PPID: variants seen among roughly 807,000 people sequenced by gnomAD.
PPID encodes the protein peptidyl-prolyl cis-trans isomerase D.
Under a neutral mutation model 48.1 loss-of-function variants are expected in PPID, and 47 were observed. That is an observed-to-expected ratio of 0.98 (90% CI 0.77 to 1.25). The LOEUF is 1.25. Among genes scored for constraint, PPID ranks in the 50% most tolerant of loss-of-function variants. The pLI is 0.00. For synonymous variants in PPID, 163 were observed against 148.8 expected, an observed-to-expected ratio of 1.10 and a Z score of -0.69; for missense variants, 429 against 443.5, an observed-to-expected ratio of 0.97 and a Z score of 0.29.
At chr4:158,718,270 A>C (rs1198670869) in intron 3 of PPID, among the ~76,000 whole-genome samples, 1 of 152,156 alleles carries the variant, frequency 6.6e-6, no homozygotes, top group African/African-American at 2.4e-5. Flanking sequence ...TGCCTAACCA[A>C]ATCTCAGACA....
At chr4:158,716,703 T>C (rs1774877711) in intron 4 of PPID, among the ~76,000 whole-genome samples, 1 of 152,190 alleles carries the variant, frequency 6.6e-6, no homozygotes, top group African/African-American at 2.4e-5. Context: ...CTCATGCCTG[T>C]AATCCCAGCA....
At chr4:158,716,929 C>G in intron 4 of PPID, 83 bp downstream of exon 4, 1 of 1,429,344 alleles carries the variant, frequency 7.0e-7, no homozygotes, top group South Asian at 1.2e-5. Context: ...CCACTGCACT[C>G]CAGCCTGGAA....
intron 7 of PPID, 61 bp from the exon 8 acceptor site, chr4:158,710,909 A>G: frequency 7.0e-7 from 1 of 1,419,338 alleles, no homozygotes; most frequent in Non-Finnish European, 9.9e-7. Flanking sequence ...GCCAGATTTC[A>G]ATTCATTGCC....
chr4:158,715,445 TG>T, intron 5 of PPID, 42 bp from the exon 6 acceptor site: 1 of 1,496,186 alleles, frequency 6.7e-7, no homozygotes, highest in Non-Finnish European at 9.0e-7. Flanking sequence ...TAGTAAGTAA[TG>T]TGGTTTAATG....
chr4:158,712,742 G>A (rs1376105140), intron 7 of PPID, among the ~76,000 whole-genome samples: 1 of 151,854 alleles, frequency 6.6e-6, no homozygotes, highest in Admixed American at 6.6e-5. Flanking sequence ...GGGCAACAGA[G>A]TAAGACTCCG....
rs1241709269 is a variant in PPID, at chr4:158,709,235, A to G, written c.*501T>C. 1 of 153,034 alleles carries G rather than the reference A, an allele frequency of 6.5e-6. No homozygotes were observed. The highest frequency in any genetic ancestry group is 1.5e-5 in the Non-Finnish European group (1 of 68,696). 9.5% of individuals were successfully genotyped at this position (153,034 alleles called of 1,614,324 possible). On this transcript the variant is annotated 3_prime_UTR_variant, in exon 10 of 10. Transcript: ENST00000307720. ...ATAATGCACATAACCATTTTAAAAA[A>G]CATTTTACTTGGCCGGGCACGGTGG...
chr4:158,711,612 TTTTG>T (rs1774792481), intron 7 of PPID, among the ~76,000 whole-genome samples: 1 of 152,158 alleles, frequency 6.6e-6, no homozygotes, highest in African/African-American at 2.4e-5. Flanking sequence ...TAAAATTATC[TTTTG>T]TTTATGTAAC....
chr4:158,710,100 G>C (rs1038594154), intron 9 of PPID: 8 of 432,832 alleles, frequency 1.8e-5, no homozygotes, highest in African/African-American at 1.2e-4. Context: ...AGTAATAAGA[G>C]ACCAAAGACA....
intron 7 of PPID, among the ~76,000 whole-genome samples, chr4:158,712,430 G>C (rs182754198): frequency 6.6e-6 from 1 of 152,146 alleles, no homozygotes; most frequent in East Asian, 1.9e-4. Context: ...AAATGTGCCA[G>C]GCACTACACT....
intron 7 of PPID, among the ~76,000 whole-genome samples, chr4:158,711,469 C>T (rs1332265391): frequency 3.9e-5 from 6 of 151,994 alleles, no homozygotes; most frequent in Non-Finnish European, 8.8e-5. Flanking sequence ...AGCGATCTGC[C>T]CGCCGCCGTG....
intron 6 of PPID, among the ~76,000 whole-genome samples, chr4:158,714,084 G>A (rs2126330601): frequency 1.3e-5 from 2 of 152,210 alleles, no homozygotes; most frequent in South Asian, 4.2e-4. Flanking sequence ...AAATATGCGG[G>A]AGGCTCTTGC....
intron 7 of PPID, among the ~76,000 whole-genome samples, chr4:158,712,095 T>G (rs1352314989): frequency 6.6e-6 from 1 of 152,244 alleles, no homozygotes. Flanking sequence ...CTACTTGCTC[T>G]GAGCATAGCT....
In PPID at chr4:158,721,490, GAAAAGA is replaced by G. The variant is rs1188383797; in HGVS notation, c.86-13_86-8del. On this transcript the variant is annotated splice_region_variant and splice_polypyrimidine_tract_variant and intron_variant, in intron 1 of 9. Coordinates refer to ENST00000307720, the MANE Select transcript of PPID (RefSeq NM_005038.3). Reference sequence around the variant, plus strand: ...TCTAAGACAATTCGACCAACTAAAAGAAAAGAAAATCTTGTCAGTATGCAAAACAAC... The same window carrying G: ...TCTAAGACAATTCGACCAACTAAAAGAAATCTTGTCAGTATGCAAAACAAC... 3.1e-6 allele frequency: 5 copies of G among 1,611,260 alleles called. No homozygotes were observed. The highest frequency in any genetic ancestry group is 1.7e-5 in the Admixed American group (1 of 59,498).
At position 158,723,136 on chromosome 4, in the gene PPID, G is replaced by A. The variant is rs1774990810; in HGVS notation, c.85+68C>T. ...CCGGCCGGAGCCGCATTCCGCCCTTGGAATCCCCCAAATCCCGGGAACCCC... is the reference window on the plus strand; with the variant it reads ...CCGGCCGGAGCCGCATTCCGCCCTTAGAATCCCCCAAATCCCGGGAACCCC... On this transcript the variant is annotated intron_variant, in intron 1 of 9. Coordinates refer to ENST00000307720, the MANE Select transcript of PPID (RefSeq NM_005038.3). 4 of 1,468,330 alleles carry A rather than the reference G, an allele frequency of 2.7e-6. No individual in the cohort carries two copies. In the Admixed American group the frequency reaches 7.6e-5, roughly 28 times the overall value. 91.0% of individuals were successfully genotyped at this position (1,468,330 alleles called of 1,614,324 possible).
chr4:158,715,188 AC>A, intron 6 of PPID, 108 bp downstream of exon 6: 1 of 912,754 alleles, frequency 1.1e-6, no homozygotes. Flanking sequence ...ATTTCAACAC[AC>A]CTGGTTATTC....
Position 158,710,800 on chromosome 4 carries a change from G to A in PPID, c.943C>T (p.Gln315Ter), listed in dbSNP as rs759551376. The A allele has an allele frequency of 1.9e-6, 3 of 1,613,772 alleles. No homozygotes were observed. The highest frequency in any genetic ancestry group is 2.5e-6 in the Non-Finnish European group (3 of 1,179,816). ...SNTKALYRRA[Q>*]GWQGLKEYDQ... ...TATTCTTTTAATCCTTGCCATCCTTGAGCTCTGCGGTACAATGCTTTGGTA... is the reference window on the plus strand; with the variant it reads ...TATTCTTTTAATCCTTGCCATCCTTAAGCTCTGCGGTACAATGCTTTGGTA... Residue 315 changes from glutamine to a stop codon, truncating the protein, a stop_gained, in exon 8 of 10, where the codon CAA (glutamine) becomes TAA (stop). Transcript: ENST00000307720. LOFTEE classifies it high-confidence loss of function.
chr4:158,720,461 TACTC>T (rs1774938692), intron 2 of PPID, among the ~76,000 whole-genome samples: 2 of 152,248 alleles, frequency 1.3e-5, no homozygotes, highest in Admixed American at 1.3e-4. Context: ...ACTGAGTTCT[TACTC>T]AATAACTGTA....
chr4:158,719,442 G>A lies in PPID; in HGVS notation c.227-156C>T, dbSNP rs17843905. The stretch of plus-strand genomic sequence containing the variant: ...CCCACCCGTCTCCGCAACTCCAAAC[G>A]CTTCAGGCTTTTCACCATCTGAATC... On this transcript the variant is annotated intron_variant, in intron 2 of 9. Transcript: ENST00000307720. Among the ~76,000 whole-genome samples, 633 of 152,242 alleles carry A rather than the reference G, an allele frequency of 4.2e-3. 4 individuals are homozygous for A. The highest frequency in any genetic ancestry group is 7.0e-3 in the Non-Finnish European group (474 of 68,012).
At position 158,717,121 on chromosome 4, in the gene PPID, G is replaced by C. The variant is rs767991856; in HGVS notation, c.413C>G (p.Pro138Arg). Residue 138 changes from proline to arginine, a missense_variant, in exon 4 of 10, where the codon CCA becomes CGA. Pro to Arg is a moderately radical substitution (Grantham distance 103, BLOSUM62 -2). Coordinates refer to ENST00000307720, the MANE Select transcript of PPID (RefSeq NM_005038.3). ...ATGTTTCCCATCCAAATGAGGAGTT[G>C]GAACTGTTGTGATAAAAAACTGAGA... Reference protein sequence around the residue: ...NGSQFFITTVPTPHLDGKHVV... With the variant: ...NGSQFFITTVRTPHLDGKHVV... 20 of 1,613,960 alleles carry C rather than the reference G, an allele frequency of 1.2e-5. No homozygotes were observed. Among genetic ancestry groups the C allele is most frequent in the Admixed American group, 1.7e-5 (1 of 59,996 alleles).
Sources: gnomAD v4.1 joint callset for allele counts (sites outside exome capture counted in the v4.1 genomes callset) on GRCh38, gnomAD v4.1.1 for gene constraint, MANE v1.5 for transcripts, NCBI Gene and HGNC (gene_info 2026-07-23, HGNC 2026-07-21) for gene names.